The following TRAPPC12 variants were observed in gnomAD, a reference collection of about 807,000 sequenced individuals.
TRAPPC12 encodes the protein trafficking protein particle complex subunit 12, also known as TPR repeat protein 15.
Under a neutral mutation model 69.2 loss-of-function variants are expected in TRAPPC12, and 61 were observed. The ratio of observed to expected loss-of-function variants is 0.88; its 90% CI spans 0.72 to 1.09. The LOEUF (loss-of-function observed/expected upper bound fraction) is 1.09. Among genes scored for constraint, TRAPPC12 ranks in the 50% least tolerant of loss-of-function variants. The probability of loss-of-function intolerance (pLI) is 0.00; values close to 1 mark genes in which losing one functional copy is unlikely to be tolerated. For synonymous variants in TRAPPC12, 469 were observed against 438.9 expected (o/e 1.07, Z -0.86); for missense variants, 1,101 against 1,016.4 (o/e 1.08, Z -1.13).
chr2:3,404,133 TC>T (rs1661599487), intron 3 of TRAPPC12, among the ~76,000 whole-genome samples: 1 of 152,146 alleles, frequency 6.6e-6, no homozygotes, highest in African/African-American at 2.4e-5. Context: ...GGGGCCTGGC[TC>T]CCGGCTGTGA....
chr2:3,425,039 A>G (rs1447027818), intron 5 of TRAPPC12, among the ~76,000 whole-genome samples: 3 of 152,276 alleles, frequency 2.0e-5, no homozygotes, highest in African/African-American at 7.2e-5. Flanking sequence ...GTGTCCGTGC[A>G]TATGGCACAC....
intron 6 of TRAPPC12, among the ~76,000 whole-genome samples, chr2:3,446,748 A>G (rs1664529421): frequency 6.6e-6 from 1 of 152,220 alleles, no homozygotes; most frequent in Non-Finnish European, 1.5e-5. Context: ...TCATGCAGCA[A>G]ATGCCCTTTC....
At chr2:3,448,422 A>G (rs907122911) in intron 6 of TRAPPC12, among the ~76,000 whole-genome samples, 1 of 152,122 alleles carries the variant, frequency 6.6e-6, no homozygotes, top group Admixed American at 6.6e-5. Context: ...AGCAATCTCT[A>G]CTGCACTTGC....
chr2:3,447,819 T>G (rs1192668112), intron 6 of TRAPPC12, among the ~76,000 whole-genome samples: 1 of 151,980 alleles, frequency 6.6e-6, no homozygotes, highest in African/African-American at 2.4e-5. Context: ...AAGAGAGAGG[T>G]CAGACCAGAG....
intron 2 of TRAPPC12, among the ~76,000 whole-genome samples, chr2:3,395,394 G>T (rs1572092286): frequency 6.6e-6 from 1 of 151,390 alleles, no homozygotes; most frequent in South Asian, 2.1e-4. Flanking sequence ...GGTTGGAAAT[G>T]AGCTATCATA....
chr2:3,410,903 G>A (rs1370116738), intron 3 of TRAPPC12, among the ~76,000 whole-genome samples: 2 of 152,100 alleles, frequency 1.3e-5, no homozygotes, highest in African/African-American at 2.4e-5. Flanking sequence ...GGTGGTGCAC[G>A]CCTGTAGTCC....
intron 5 of TRAPPC12, among the ~76,000 whole-genome samples, chr2:3,433,971 G>A (rs531949765): frequency 2.6e-5 from 4 of 152,022 alleles, no homozygotes; most frequent in South Asian, 2.1e-4. Context: ...ATTTTATCTC[G>A]CTTGACAACC....
At chr2:3,397,465 G>A (rs1283385398) in intron 2 of TRAPPC12, among the ~76,000 whole-genome samples, 1 of 152,156 alleles carries the variant, frequency 6.6e-6, no homozygotes, top group Non-Finnish European at 1.5e-5. Flanking sequence ...TGAGCTCTGG[G>A]CTTGTCAGCT....
At chr2:3,430,064 A>G (rs910064499) in intron 5 of TRAPPC12, among the ~76,000 whole-genome samples, 4 of 152,110 alleles carry the variant, frequency 2.6e-5, no homozygotes, top group African/African-American at 7.2e-5. Flanking sequence ...GAGAGAGACT[A>G]TTGTCTTATA....
intron 5 of TRAPPC12, 56 bp from the exon 6 acceptor site, chr2:3,443,722 TA>T (rs780055227): frequency 4.7e-5 from 64 of 1,373,200 alleles, no homozygotes; most frequent in Admixed American, 1.9e-4. Flanking sequence ...GTGTGCCAAG[TA>T]TGAATGCGTG....
At chr2:3,444,394 T>G (rs1022112623) in intron 6 of TRAPPC12, among the ~76,000 whole-genome samples, 1 of 152,272 alleles carries the variant, frequency 6.6e-6, no homozygotes, top group Non-Finnish European at 1.5e-5. Flanking sequence ...CATTCTTGGT[T>G]GTGAAGTCAC....
chr2:3,415,235 C>G (rs185730666), intron 3 of TRAPPC12, among the ~76,000 whole-genome samples: 9 of 152,330 alleles, frequency 5.9e-5, no homozygotes, highest in Admixed American at 5.9e-4. Flanking sequence ...CTGTTTCTCA[C>G]TCGCGGTGAA....
chr2:3,393,866 T>G (rs182448068), intron 2 of TRAPPC12, among the ~76,000 whole-genome samples: 1 of 152,286 alleles, frequency 6.6e-6, no homozygotes, highest in East Asian at 1.9e-4. Flanking sequence ...AATTGTTGGT[T>G]TGCCAATAAC....
intron 7 of TRAPPC12, among the ~76,000 whole-genome samples, chr2:3,459,481 C>T (rs964860343): frequency 1.3e-5 from 2 of 152,210 alleles, no homozygotes; most frequent in East Asian, 1.9e-4. Context: ...CCCAGGGCAG[C>T]TCCCAGGGGA....
intron 2 of TRAPPC12, chr2:3,389,827 G>C: frequency 2.1e-6 from 1 of 469,664 alleles, no homozygotes; most frequent in African/African-American, 2.0e-5. Context: ...GCTCTCAGCA[G>C]AGAGGGGAGG....
intron 9 of TRAPPC12, among the ~76,000 whole-genome samples, chr2:3,473,515 T>C (rs1029711710): frequency 3.3e-5 from 5 of 152,244 alleles, no homozygotes; most frequent in Admixed American, 1.3e-4. Context: ...GGCCTCGCTC[T>C]GTCACCCACA....
At chr2:3,470,744 G>T (rs1666026287) in intron 9 of TRAPPC12, among the ~76,000 whole-genome samples, 3 of 152,160 alleles carry the variant, frequency 2.0e-5, no homozygotes, top group South Asian at 4.1e-4. Context: ...GCACTGAAAT[G>T]CAAACACTAA....
chr2:3,401,024 C>CTAAAGATCGT (rs1661415803), intron 2 of TRAPPC12, among the ~76,000 whole-genome samples: 1 of 152,236 alleles, frequency 6.6e-6, no homozygotes, highest in African/African-American at 2.4e-5. Context: ...TCAGCACCGT[C>CTAAAGATCGT]TAAAGATCGT....
chr2:3,423,276 G>A (rs953800036), intron 4 of TRAPPC12, among the ~76,000 whole-genome samples: 11 of 151,948 alleles, frequency 7.2e-5, no homozygotes, highest in Non-Finnish European at 1.5e-4. Flanking sequence ...TGTACACTAT[G>A]GAATGGTTAA....
Sources: gnomAD v4.1 joint callset for allele counts (sites outside exome capture counted in the v4.1 genomes callset) on GRCh38, gnomAD v4.1.1 for gene constraint, MANE v1.5 for transcripts, NCBI Gene and HGNC (gene_info 2026-07-23, HGNC 2026-07-21) for gene names.